MAP4: variants seen among roughly 807,000 people sequenced by gnomAD.
MAP4 encodes the protein microtubule-associated protein 4.
A neutral mutation model predicts 170.2 loss-of-function variants in MAP4; 76 were observed. The observed-to-expected ratio is 0.45, with a 90% CI of 0.37 to 0.54. MAP4 has a LOEUF of 0.54. Ranked by LOEUF, MAP4 falls within the 20% of genes least tolerant of loss-of-function variation. The probability of loss-of-function intolerance (pLI) is 0.00; values close to 1 mark genes in which losing one functional copy is unlikely to be tolerated. For synonymous variants in MAP4, 909 were observed against 994.5 expected, an observed-to-expected ratio of 0.91 and a Z score of 1.62; for missense variants, 2,506 against 2,748.0, an observed-to-expected ratio of 0.91 and a Z score of 1.97.
chr3:48,051,336 C>T (rs1415585271), intron 1 of MAP4, among the ~76,000 whole-genome samples: 3 of 151,968 alleles, frequency 2.0e-5, no homozygotes, highest in South Asian at 2.1e-4. Flanking sequence ...TGCTTGAACC[C>T]GGGAGGCAGA....
At chr3:47,957,845 C>T (rs550853706) in intron 3 of MAP4, among the ~76,000 whole-genome samples, 7 of 152,242 alleles carry the variant, frequency 4.6e-5, no homozygotes, top group African/African-American at 1.7e-4. Context: ...CTGTCTCCTC[C>T]CTCAATCAGA....
intron 10 of MAP4, among the ~76,000 whole-genome samples, chr3:47,881,996 C>T (rs532325171): frequency 1.3e-5 from 2 of 152,264 alleles, no homozygotes; most frequent in East Asian, 3.9e-4. Context: ...TTCCTGATGG[C>T]CAGGTACAGT....
At chr3:47,936,328 G>A (rs1305959965) in intron 3 of MAP4, among the ~76,000 whole-genome samples, 4 of 151,466 alleles carry the variant, frequency 2.6e-5, no homozygotes, top group East Asian at 2.0e-4. Context: ...CCAGCTACTC[G>A]GGAGGCTGAG....
chr3:47,864,628 G>A (rs1199522226), intron 17 of MAP4, among the ~76,000 whole-genome samples: 1 of 152,160 alleles, frequency 6.6e-6, no homozygotes, highest in East Asian at 1.9e-4. Context: ...AGTGAGCCGA[G>A]ATCGCACCAC....
chr3:47,959,751 T>C (rs1355315708), intron 3 of MAP4, among the ~76,000 whole-genome samples: 1 of 138,106 alleles, frequency 7.2e-6, no homozygotes, highest in Non-Finnish European at 1.5e-5. Context: ...AGAGCGAGAC[T>C]CCATCTCAAA....
intron 3 of MAP4, among the ~76,000 whole-genome samples, chr3:47,948,151 C>A (rs1232241685): frequency 6.6e-6 from 1 of 151,830 alleles, no homozygotes; most frequent in Non-Finnish European, 1.5e-5. Context: ...GTGCCCGCCA[C>A]CACGCCCGGC....
At chr3:48,026,378 A>G (rs904762764) in intron 1 of MAP4, among the ~76,000 whole-genome samples, 1 of 152,214 alleles carries the variant, frequency 6.6e-6, no homozygotes, top group Non-Finnish European at 1.5e-5. Flanking sequence ...AAAATTGGCA[A>G]TCTATACAAA....
chr3:47,905,722 G>A (rs2100032601), intron 9 of MAP4, among the ~76,000 whole-genome samples: 1 of 152,012 alleles, frequency 6.6e-6, no homozygotes, highest in Non-Finnish European at 1.5e-5. Flanking sequence ...AGCCAGGCAT[G>A]GTAGCTCATG....
intron 10 of MAP4, among the ~76,000 whole-genome samples, chr3:47,902,605 C>T (rs2100030666): frequency 7.3e-6 from 1 of 137,860 alleles, no homozygotes; most frequent in Admixed American, 8.5e-5. Flanking sequence ...ACCCAGGAGC[C>T]AGAGGTTGCA....
At chr3:47,918,928 TTTTGTTTG>T in intron 5 of MAP4, 87 bp from the exon 6 acceptor site, 1 of 1,221,864 alleles carries the variant, frequency 8.2e-7, no homozygotes, top group Admixed American at 2.3e-5. Flanking sequence ...TTTTGTTTTG[TTTTGTTTG>T]TTTTTTTTTT....
intron 10 of MAP4, among the ~76,000 whole-genome samples, chr3:47,893,786 A>G (rs1262931365): frequency 1.3e-5 from 2 of 150,862 alleles, no homozygotes; most frequent in Non-Finnish European, 2.9e-5. Context: ...AAAAAAGGCC[A>G]TTTGCCATAA....
intron 10 of MAP4, among the ~76,000 whole-genome samples, chr3:47,896,272 G>A (rs2100026790): frequency 6.6e-6 from 1 of 152,240 alleles, no homozygotes; most frequent in African/African-American, 2.4e-5. Flanking sequence ...GCTCACGCCT[G>A]TAATCCCAGC....
intron 1 of MAP4, among the ~76,000 whole-genome samples, chr3:48,028,642 C>T (rs1208298435): frequency 6.6e-6 from 1 of 151,412 alleles, no homozygotes; most frequent in African/African-American, 2.4e-5. Flanking sequence ...GCATGGTGGC[C>T]GGCGCCTGTA....
At chr3:47,913,158 T>C (rs1310999161) in intron 8 of MAP4, among the ~76,000 whole-genome samples, 2 of 152,160 alleles carry the variant, frequency 1.3e-5, no homozygotes, top group African/African-American at 4.8e-5. Flanking sequence ...TTAAGATGAG[T>C]ACCTTTGGAA....
intron 1 of MAP4, among the ~76,000 whole-genome samples, chr3:48,015,469 T>C (rs1325043925): frequency 1.3e-5 from 2 of 152,210 alleles, no homozygotes; most frequent in African/African-American, 2.4e-5. Context: ...TCCTCAGGCT[T>C]GAAAGGAACC....
At chr3:48,088,092 G>A (rs1397479300) in intron 1 of MAP4, among the ~76,000 whole-genome samples, 1 of 152,110 alleles carries the variant, frequency 6.6e-6, no homozygotes, top group African/African-American at 2.4e-5. Flanking sequence ...TCACACCGGC[G>A]GAGAACTTGT....
chr3:48,055,229 C>T (rs999289729), intron 1 of MAP4, among the ~76,000 whole-genome samples: 4 of 145,704 alleles, frequency 2.7e-5, no homozygotes, highest in Non-Finnish European at 6.1e-5. Flanking sequence ...TCTCCGTCTC[C>T]GTCTCCGTCT....
intron 1 of MAP4, among the ~76,000 whole-genome samples, chr3:48,072,053 G>A (rs2154565143): frequency 6.6e-6 from 1 of 151,588 alleles, no homozygotes; most frequent in South Asian, 2.1e-4. Flanking sequence ...ATAAACATTA[G>A]CCAGGCATGG....
intron 1 of MAP4, among the ~76,000 whole-genome samples, chr3:48,042,140 G>A (rs1052507356): frequency 1.3e-5 from 2 of 152,222 alleles, no homozygotes; most frequent in African/African-American, 4.8e-5. Context: ...TAGCCAGTCA[G>A]TCAGAAGCAC....
Sources: allele counts gnomAD v4.1 joint callset (sites outside exome capture counted in the v4.1 genomes callset), GRCh38; gene constraint gnomAD v4.1.1; transcripts MANE v1.5; gene names NCBI Gene and HGNC (gene_info 2026-07-23, HGNC 2026-07-21).